The following TYW1 variants were observed in gnomAD, a reference collection of about 807,000 sequenced individuals.
The protein encoded by TYW1 is tRNA-yW synthesizing protein 1 homolog, also known as S-adenosyl-L-methionine-dependent tRNA 4-demethylwyosine synthase TYW1.
TYW1 carries 46 observed loss-of-function variants against 96.2 expected under a neutral mutation model. That is an observed-to-expected ratio of 0.48 (90% CI 0.38 to 0.61). The LOEUF (loss-of-function observed/expected upper bound fraction) is 0.61. Among genes scored for constraint, TYW1 ranks in the 20% least tolerant of loss-of-function variants. TYW1 has a pLI of 0.00. For synonymous variants in TYW1, 274 were observed against 323.0 expected (o/e 0.85, Z 1.63); for missense variants, 684 against 909.6 (o/e 0.75, Z 3.19).
chr7:67,131,632 A>G (rs1179494814), intron 13 of TYW1, among the ~76,000 whole-genome samples: 1 of 152,170 alleles, frequency 6.6e-6, no homozygotes, highest in African/African-American at 2.4e-5. Context: ...ATAGATGTAC[A>G]TATGAAGGGG....
intron 15 of TYW1, among the ~76,000 whole-genome samples, chr7:67,236,683 C>A (rs942499091): frequency 2.0e-5 from 3 of 152,340 alleles, no homozygotes; most frequent in African/African-American, 7.2e-5. Flanking sequence ...AAGAAAATTT[C>A]TTCTAATTCA....
chr7:67,216,445 T>A (rs1318169544), intron 15 of TYW1, among the ~76,000 whole-genome samples: 1 of 138,256 alleles, frequency 7.2e-6, no homozygotes, highest in Non-Finnish European at 1.6e-5. Context: ...CAGAGGTGTG[T>A]CTAGTTCAGC....
intron 15 of TYW1, among the ~76,000 whole-genome samples, chr7:67,236,505 C>T (rs4718492): frequency 0.27 from 40,798 of 152,032 alleles, 5,843 homozygotes; most frequent in African/African-American, 0.36. Context: ...TCTGCAGTTT[C>T]GAGGCTCAGT....
intron 3 of TYW1, among the ~76,000 whole-genome samples, chr7:66,999,738 G>C (rs1413619148): frequency 6.6e-6 from 1 of 152,178 alleles, no homozygotes; most frequent in Non-Finnish European, 1.5e-5. Flanking sequence ...AGTAAATACA[G>C]CTGATATCTA....
rs188503205 is a variant in TYW1, at chr7:67,022,329, G to A, written c.862-2571G>A. Among the ~76,000 whole-genome samples the A allele has an allele frequency of 2.0e-3, 310 of 152,278 alleles. 5 individuals are homozygous for A. Among genetic ancestry groups the A allele is most frequent in the Admixed American group, 0.019 (293 of 15,288 alleles). ...AGATTTGCATAGTAAAGACAGGATT[G>A]TATGCCCCACAAGGTCAGAAATACT... On this transcript the variant is annotated intron_variant, in intron 6 of 15. Coordinates refer to ENST00000359626, the MANE Select transcript of TYW1 (RefSeq NM_018264.4).
At chr7:67,023,894 A>G (rs1484278368) in intron 6 of TYW1, among the ~76,000 whole-genome samples, 1 of 152,214 alleles carries the variant, frequency 6.6e-6, no homozygotes, top group Non-Finnish European at 1.5e-5. Context: ...TAACTTCTCT[A>G]CCTTTAATTT....
intron 15 of TYW1, among the ~76,000 whole-genome samples, chr7:67,200,963 A>G (rs62465000): frequency 0.04 from 6,148 of 152,250 alleles, 183 homozygotes; most frequent in Middle Eastern, 0.095. Context: ...TTGCAGGGAA[A>G]GGAGATTATT....
At chr7:67,229,876 G>A (rs556399738) in intron 15 of TYW1, among the ~76,000 whole-genome samples, 8 of 152,286 alleles carry the variant, frequency 5.3e-5, no homozygotes, top group South Asian at 2.1e-4. Context: ...TCCTTGAGCC[G>A]AAGAAGTTGA....
chr7:67,000,104 T>A (rs1192346725), intron 3 of TYW1, among the ~76,000 whole-genome samples: 1 of 151,620 alleles, frequency 6.6e-6, no homozygotes, highest in Non-Finnish European at 1.5e-5. Flanking sequence ...CCCAGCTAAT[T>A]TTTGTACTTT....
intron 12 of TYW1, among the ~76,000 whole-genome samples, chr7:67,108,286 A>G (rs529796132): frequency 1.3e-5 from 2 of 152,330 alleles, no homozygotes; most frequent in East Asian, 3.9e-4. Context: ...TTGACAGACT[A>G]CAAAGGGCGA....
chr7:67,178,232 A>C (rs1056440591), intron 13 of TYW1, among the ~76,000 whole-genome samples: 12 of 152,120 alleles, frequency 7.9e-5, no homozygotes, highest in Non-Finnish European at 1.6e-4. Flanking sequence ...TCATGGCAGC[A>C]GTATTTTCTA....
intron 7 of TYW1, among the ~76,000 whole-genome samples, chr7:67,028,276 C>T (rs1355179512): frequency 3.4e-5 from 5 of 148,160 alleles, no homozygotes; most frequent in African/African-American, 1.2e-4. Context: ...GTCCAGGTGC[C>T]GTGGCTCACG....
chr7:67,215,820 T>C (rs567772222), intron 15 of TYW1, among the ~76,000 whole-genome samples: 7 of 152,180 alleles, frequency 4.6e-5, no homozygotes, highest in Non-Finnish European at 8.8e-5. Context: ...GAGAGAGATG[T>C]AGGCTGGGAG....
At chr7:67,219,191 A>G (rs958854433) in intron 15 of TYW1, among the ~76,000 whole-genome samples, 3 of 152,144 alleles carry the variant, frequency 2.0e-5, no homozygotes, top group Non-Finnish European at 2.9e-5. Flanking sequence ...CCTTCATTCT[A>G]TTAATGTGGT....
chr7:67,193,038 T>G (rs1157883281), intron 14 of TYW1, among the ~76,000 whole-genome samples: 2 of 152,218 alleles, frequency 1.3e-5, no homozygotes, highest in African/African-American at 2.4e-5. Context: ...CAGCAAGCTC[T>G]TTCTATTCAG....
chr7:67,025,936 A>C (rs1794438240), intron 7 of TYW1, among the ~76,000 whole-genome samples: 1 of 152,158 alleles, frequency 6.6e-6, no homozygotes, highest in South Asian at 2.1e-4. Context: ...TGAACTCAGT[A>C]AGGTTAGCAG....
chr7:67,013,247 C>T (rs759283110), intron 4 of TYW1, among the ~76,000 whole-genome samples: 29 of 151,826 alleles, frequency 1.9e-4, no homozygotes, highest in Non-Finnish European at 3.7e-4. Context: ...CTCAGCCTCC[C>T]GAGTAGCTGG....
intron 11 of TYW1, chr7:67,089,512 T>C (rs1796649902): frequency 2.4e-6 from 2 of 835,744 alleles, no homozygotes; most frequent in Non-Finnish European, 3.9e-6. Flanking sequence ...GGAGAGTCCT[T>C]TGCTTTCTAG....
intron 12 of TYW1, among the ~76,000 whole-genome samples, chr7:67,103,511 C>A (rs1797153918): frequency 6.6e-6 from 1 of 152,160 alleles, no homozygotes; most frequent in South Asian, 2.1e-4. Flanking sequence ...TTCAGACAGC[C>A]TTTACTTTTA....
Sources: allele counts gnomAD v4.1 joint callset (sites outside exome capture counted in the v4.1 genomes callset), GRCh38; gene constraint gnomAD v4.1.1; transcripts MANE v1.5; gene names NCBI Gene and HGNC (gene_info 2026-07-23, HGNC 2026-07-21).